MAML2: variants seen among roughly 807,000 people sequenced by gnomAD.
MAML2 encodes the protein mastermind like transcriptional coactivator 2.
Under a neutral mutation model 96.1 loss-of-function variants are expected in MAML2, and 22 were observed. The observed-to-expected ratio is 0.23, with a 90% CI of 0.16 to 0.33. The LOEUF (loss-of-function observed/expected upper bound fraction) is 0.33. MAML2 is among the 10% of genes least tolerant of loss of function. The pLI, the probability that MAML2 is intolerant of heterozygous loss-of-function variation, is 1.00. For synonymous variants in MAML2, 561 were observed against 521.3 expected, an observed-to-expected ratio of 1.08 and a Z score of -1.04; for missense variants, 1,367 against 1,392.4, an observed-to-expected ratio of 0.98 and a Z score of 0.29.
At chr11:95,992,798 C>A (rs1857932908) in intron 2 of MAML2, among the ~76,000 whole-genome samples, 1 of 152,088 alleles carries the variant, frequency 6.6e-6, no homozygotes, top group African/African-American at 2.4e-5. Flanking sequence ...CAGGGTACCT[C>A]CTTAGGTTAT....
intron 2 of MAML2, among the ~76,000 whole-genome samples, chr11:96,032,336 C>A (rs1018030038): frequency 6.6e-5 from 10 of 152,092 alleles, no homozygotes; most frequent in Non-Finnish European, 1.3e-4. Context: ...TACTTGTAAT[C>A]TCAGCACTTT....
intron 1 of MAML2, among the ~76,000 whole-genome samples, chr11:96,297,349 C>A (rs781730127): frequency 2.6e-5 from 4 of 152,054 alleles, no homozygotes; most frequent in African/African-American, 9.7e-5. Context: ...CCAAGGCAGG[C>A]GGATCACTTG....
At chr11:96,133,422 AT>A (rs532534340) in intron 1 of MAML2, among the ~76,000 whole-genome samples, 5 of 152,022 alleles carry the variant, frequency 3.3e-5, no homozygotes, top group Non-Finnish European at 7.4e-5. Flanking sequence ...CAGATCTGCT[AT>A]TTTTCAGCCA....
intron 1 of MAML2, among the ~76,000 whole-genome samples, chr11:96,254,106 A>T (rs559740902): frequency 6.6e-6 from 1 of 152,340 alleles, no homozygotes; most frequent in Non-Finnish European, 1.5e-5. Flanking sequence ...TTTAAAACAC[A>T]CAGGGGAAAG....
intron 1 of MAML2, among the ~76,000 whole-genome samples, chr11:96,299,924 C>G (rs750376546): frequency 1.3e-5 from 2 of 152,152 alleles, no homozygotes; most frequent in Admixed American, 6.5e-5. Context: ...AGTCCAGGAA[C>G]TGAAAGTGTT....
At chr11:96,020,633 A>G (rs1188770645) in intron 2 of MAML2, among the ~76,000 whole-genome samples, 1 of 152,208 alleles carries the variant, frequency 6.6e-6, no homozygotes, top group Non-Finnish European at 1.5e-5. Flanking sequence ...AACTGATGAG[A>G]GCTAGGTGAC....
chr11:96,206,333 C>T (rs931957424), intron 1 of MAML2, among the ~76,000 whole-genome samples: 1 of 152,156 alleles, frequency 6.6e-6, no homozygotes, highest in Non-Finnish European at 1.5e-5. Flanking sequence ...TGCGGTGGCT[C>T]ATGCCTGTAA....
At chr11:96,039,294 G>C (rs1265980131) in intron 2 of MAML2, among the ~76,000 whole-genome samples, 1 of 143,974 alleles carries the variant, frequency 6.9e-6, no homozygotes, top group Non-Finnish European at 1.5e-5. Flanking sequence ...ACAGAGGTGA[G>C]AGAAGAGAGA....
chr11:96,068,717 C>A (rs984088911), intron 2 of MAML2, among the ~76,000 whole-genome samples: 2 of 151,672 alleles, frequency 1.3e-5, no homozygotes, highest in African/African-American at 4.8e-5. Flanking sequence ...GTAGTCCCAG[C>A]TACTCAGGAG....
Position 96,341,432 on chromosome 11 carries a change from T to G in MAML2, c.464A>C (p.Gln155Pro). ...GGSGGINGEQ[Q>P]PPASTPGDQR... ...GTCCCCTGGGGTTGAAGCGGGCGGC[T>G]GCTGCTCTCCGTTTATCCCACCACT... Residue 155 changes from glutamine to proline, a missense_variant, in exon 1 of 5, where the codon CAG (glutamine) becomes CCG (proline). Gln to Pro is a moderately conservative substitution (Grantham distance 76). Transcript: ENST00000524717. The G allele has an allele frequency of 6.5e-7, 1 of 1,549,044 alleles. No individual in the cohort carries two copies.
At chr11:96,131,086 A>G (rs1285792168) in intron 1 of MAML2, among the ~76,000 whole-genome samples, 1 of 152,146 alleles carries the variant, frequency 6.6e-6, no homozygotes. Context: ...CTCAAAATAA[A>G]CACTATTTAA....
At chr11:96,189,635 A>G (rs1353480406) in intron 1 of MAML2, among the ~76,000 whole-genome samples, 3 of 152,186 alleles carry the variant, frequency 2.0e-5, no homozygotes, top group Non-Finnish European at 4.4e-5. Context: ...CATTATATTC[A>G]TTCTGTGGAC....
intron 2 of MAML2, among the ~76,000 whole-genome samples, chr11:96,002,458 A>T (rs564907352): frequency 6.6e-6 from 1 of 152,276 alleles, no homozygotes; most frequent in South Asian, 2.1e-4. Context: ...TGGCAAATAG[A>T]ATGTCTTAGG....
At chr11:96,291,699 T>G (rs1461648861) in intron 1 of MAML2, among the ~76,000 whole-genome samples, 2 of 152,234 alleles carry the variant, frequency 1.3e-5, no homozygotes, top group Admixed American at 6.5e-5. Flanking sequence ...ATATTGTATA[T>G]GCACACAAAG....
At chr11:96,000,076 A>G (rs1858058119) in intron 2 of MAML2, among the ~76,000 whole-genome samples, 1 of 152,186 alleles carries the variant, frequency 6.6e-6, no homozygotes, top group Non-Finnish European at 1.5e-5. Flanking sequence ...CACTTGCTCA[A>G]AGTTATTTAT....
At chr11:96,242,341 A>C (rs908512713) in intron 1 of MAML2, among the ~76,000 whole-genome samples, 1 of 152,244 alleles carries the variant, frequency 6.6e-6, no homozygotes, top group African/African-American at 2.4e-5. Flanking sequence ...GGGATTTTAA[A>C]AAAATGCCCA....
chr11:96,224,171 C>T (rs908308412), intron 1 of MAML2, among the ~76,000 whole-genome samples: 6 of 151,996 alleles, frequency 3.9e-5, no homozygotes, highest in Non-Finnish European at 8.8e-5. Context: ...ACAGTCAGTA[C>T]AAGAAAATAC....
intron 2 of MAML2, among the ~76,000 whole-genome samples, chr11:96,084,859 G>A (rs1292987688): frequency 6.6e-6 from 1 of 152,176 alleles, no homozygotes; most frequent in Non-Finnish European, 1.5e-5. Flanking sequence ...TCATAAAGGT[G>A]GAGCTGAACT....
chr11:96,181,103 G>A (rs1861477813), intron 1 of MAML2, among the ~76,000 whole-genome samples: 2 of 152,180 alleles, frequency 1.3e-5, no homozygotes, highest in African/African-American at 4.8e-5. Flanking sequence ...CATCAGTTAA[G>A]GTGGGGCAGG....
Sources: gnomAD v4.1 joint callset for allele counts (sites outside exome capture counted in the v4.1 genomes callset) on GRCh38, gnomAD v4.1.1 for gene constraint, MANE v1.5 for transcripts, NCBI Gene and HGNC (gene_info 2026-07-23, HGNC 2026-07-21) for gene names.